Variants in GRK6 observed in about 807,000 individuals in gnomAD.
The protein encoded by GRK6 is G protein-coupled receptor kinase 6.
A neutral mutation model predicts 80.8 loss-of-function variants in GRK6; 37 were observed. That is an observed-to-expected ratio of 0.46 (90% CI 0.35 to 0.60). The LOEUF (loss-of-function observed/expected upper bound fraction) is 0.60. Among genes scored for constraint, GRK6 ranks in the 20% least tolerant of loss-of-function variants. The pLI is 0.00. For missense variants in GRK6, 560 were observed against 784.6 expected (o/e 0.71, Z 3.42); for synonymous variants, 295 against 320.9 (o/e 0.92, Z 0.86).
In GRK6 at chr5:177,429,892, C is replaced by T. The variant is rs1429333249; in HGVS notation, c.53-980C>T. On this transcript the variant is annotated intron_variant, in intron 1 of 15. Transcript: ENST00000355472. The surrounding 1 kb of genome is among the most constrained non-coding windows in gnomAD (Gnocchi z 4.3). ...GGTTCACAGATAGCGAGTGATGGGC[C>T]ACAGTGTGAATCAGAGATTCAGACC... 6.6e-6 allele frequency among the ~76,000 whole-genome samples: 1 copy of T among 152,192 alleles called. No homozygotes were observed. The highest frequency in any genetic ancestry group is 2.4e-5 in the African/African-American group (1 of 41,440).
rs1763687450 is a variant in GRK6 at position 177,426,724 on chromosome 5, G to A, written c.-122G>A. On this transcript the variant is annotated 5_prime_UTR_variant, in exon 1 of 16. Transcript: ENST00000355472. ...CGGCCGGGGAGGCCGGGGAGGCCGC[G>A]GCGCGGTCACTGCGAGCCGAGCCGA... 1.2e-5 allele frequency: 5 copies of A among 412,542 alleles called. No individual in the cohort carries two copies. Among genetic ancestry groups the A allele is most frequent in the Non-Finnish European group, 1.6e-5 (5 of 308,432 alleles). 25.6% of individuals were successfully genotyped at this position (412,542 alleles called of 1,614,324 possible).
At chr5:177,441,381 T>A in intron 15 of GRK6, 1 of 1,116,390 alleles carries the variant, frequency 9.0e-7, no homozygotes, top group Admixed American at 2.1e-5. Context: ...CCCACTGCTT[T>A]GATCCCCTGC....
intron 1 of GRK6, among the ~76,000 whole-genome samples, chr5:177,427,152 G>A (rs921828841): frequency 6.6e-6 from 1 of 152,176 alleles, no homozygotes; most frequent in Non-Finnish European, 1.5e-5. Flanking sequence ...GAAAGAAGGT[G>A]AGACGAAGAG....
At position 177,436,667 on chromosome 5, in the gene GRK6, TAATTCACAA is replaced by T. The variant is rs1169401437; in HGVS notation, c.1404+140_1404+148del. On this transcript the variant is annotated intron_variant, in intron 13 of 15. Coordinates refer to ENST00000355472, the MANE Select transcript of GRK6 (RefSeq NM_001004106.3). The stretch of plus-strand genomic sequence containing the variant: ...AGTGGCTTAGCCACAGAAATAAAGA[TAATTCACAA>T]AAAGGAAAAGCCCCAGGATGGGTCT... 2.4e-5 allele frequency: 21 copies of T among 879,812 alleles called. No homozygotes were observed. The East Asian group carries it at 3.0e-4, about 12-fold the overall frequency. The allele number at this position is 879,812 out of a possible 1,614,324, so 54.5% of individuals were successfully genotyped here. A position where few individuals can be genotyped will look rare whatever the true frequency, so the allele number is the denominator to read the frequency against.
rs766573669 is a variant in GRK6, at chr5:177,442,002, C to T, written c.*212C>T. The T allele has an allele frequency of 2.2e-5, 13 of 587,264 alleles. No homozygotes were observed. Among genetic ancestry groups the T allele is most frequent in the Non-Finnish European group, 4.0e-5 (13 of 328,668 alleles). 36.4% of individuals were successfully genotyped at this position (587,264 alleles called of 1,614,324 possible). ...TCCCTGGGACAAAGGTGCGTCCCTTCAGCTCTTCTCCGTGGAGCTCGGGGC... is the reference window on the plus strand; with the variant it reads ...TCCCTGGGACAAAGGTGCGTCCCTTTAGCTCTTCTCCGTGGAGCTCGGGGC... On this transcript the variant is annotated 3_prime_UTR_variant, in exon 16 of 16. Transcript: ENST00000355472.
At chr5:177,441,654 G>T (rs1581693922) in intron 15 of GRK6, 83 bp from the exon 16 acceptor site, 1 of 1,170,552 alleles carries the variant, frequency 8.5e-7, no homozygotes, top group East Asian at 2.3e-5. Context: ...CCCTGGCAGG[G>T]TCGGCCCCAT....
chr5:177,425,890 C>A (rs912579124), upstream of GRK6, among the ~76,000 whole-genome samples: 2 of 152,244 alleles, frequency 1.3e-5, no homozygotes, highest in Non-Finnish European at 2.9e-5. Context: ...ACTTGACGTC[C>A]GGCGCCTCAG....
Position 177,440,840 on chromosome 5 carries a change from G to C in GRK6, c.1542+3G>C. 2 of 1,613,950 alleles carry C rather than the reference G, an allele frequency of 1.2e-6. No homozygotes were observed. The highest frequency in any genetic ancestry group is 2.2e-5 in the South Asian group (2 of 91,078). On this transcript the variant is annotated splice_donor_region_variant and intron_variant, in intron 14 of 15. Transcript: ENST00000355472. The stretch of plus-strand genomic sequence containing the variant: ...TGCCCATCCCCTGGCAGAACGAGGT[G>C]GGGGCCTGCCCTGCTGGTGGGGTGG...
intron 13 of GRK6, 48 bp from the exon 14 acceptor site, chr5:177,440,652 G>T: frequency 6.2e-7 from 1 of 1,604,272 alleles, no homozygotes; most frequent in East Asian, 2.2e-5. Context: ...CTGCCTTCGC[G>T]TGTGCGTGTG....
At chr5:177,426,939 C>T in intron 1 of GRK6, 42 bp downstream of exon 1, 2 of 1,269,716 alleles carry the variant, frequency 1.6e-6, no homozygotes, top group South Asian at 2.2e-5. Context: ...GTGCGTGGAG[C>T]GCGAGTGCGC....
At chr5:177,430,214 C>T (rs1763828295) in intron 1 of GRK6, among the ~76,000 whole-genome samples, 1 of 152,234 alleles carries the variant, frequency 6.6e-6, no homozygotes, top group Non-Finnish European at 1.5e-5. Flanking sequence ...GGTCATCTCA[C>T]ATCTGGCCCA....
At chr5:177,441,129 C>T in intron 15 of GRK6, 76 bp downstream of exon 15, 1 of 1,570,688 alleles carries the variant, frequency 6.4e-7, no homozygotes, top group Non-Finnish European at 8.7e-7. Context: ...GAGCCGGTGC[C>T]CGCATGCGCT....
chr5:177,441,600 G>A, intron 15 of GRK6, 137 bp from the exon 16 acceptor site: 1 of 783,672 alleles, frequency 1.3e-6, no homozygotes, highest in Non-Finnish European at 2.3e-6. Flanking sequence ...TCCTTGTGGA[G>A]AGGCCCCTCC....
At chr5:177,430,658 T>A in intron 1 of GRK6, 1 of 587,186 alleles carries the variant, frequency 1.7e-6, no homozygotes, top group Non-Finnish European at 3.1e-6. Context: ...ACTGCCTCTC[T>A]TGGCTCTCCC....
Position 177,433,657 on chromosome 5 carries a change from A to T in GRK6, c.719A>T (p.Lys240Ile). The change falls in exon 8 of 16, where the codon AAA becomes ATA. Residue 240 changes from lysine to isoleucine, a missense_variant. Lys to Ile is a moderately radical substitution (Grantham distance 102). Around this residue, in one of 3 missense-constraint regions of GRK6, gnomAD observed 77 missense variants for 156.9 expected, o/e 0.49. Coordinates refer to ENST00000355472, the MANE Select transcript of GRK6 (RefSeq NM_001004106.3). ...CTGAACGAGAAGCAGATCCTGGAGA[A>T]AGTGAACAGTAGGTTTGTAGTAAGT... Reference protein sequence around the residue: ...MALNEKQILEKVNSRFVVSLA... With the variant: ...MALNEKQILEIVNSRFVVSLA... 6.2e-7 allele frequency: 1 copy of T among 1,614,078 alleles called. No homozygotes were observed. The highest frequency in any genetic ancestry group is 8.5e-7 in the Non-Finnish European group (1 of 1,180,016).
chr5:177,435,580 G>A (rs570946717), intron 11 of GRK6, among the ~76,000 whole-genome samples: 3 of 152,304 alleles, frequency 2.0e-5, no homozygotes, highest in East Asian at 1.9e-4. Flanking sequence ...CGCTGCTCCC[G>A]GCCTCACTCT....
intron 13 of GRK6, among the ~76,000 whole-genome samples, chr5:177,436,888 C>T (rs767201190): frequency 1.4e-4 from 22 of 151,928 alleles, no homozygotes; most frequent in Non-Finnish European, 4.4e-5. Context: ...TCTCTTTTCT[C>T]TTCTCCTCTC....
chr5:177,436,425 G>C lies in GRK6; in HGVS notation c.1299G>C (p.Gly433=). The C allele has an allele frequency of 6.2e-7, 1 of 1,613,408 alleles. No individual in the cohort carries two copies. Among genetic ancestry groups the C allele is most frequent in the Non-Finnish European group, 8.5e-7 (1 of 1,179,880 alleles). The stretch of plus-strand genomic sequence containing the variant: ...GCAAGGACCCTGCCGAACGCCTGGG[G>C]TGTCGTGGGGGCAGTGCCCGCGAGG... ...LLCKDPAERL[G]CRGGSAREVK... The change falls in exon 13 of 16, where the codon GGG becomes GGC. Residue 433 remains glycine, a synonymous_variant. Transcript: ENST00000355472.
rs916336537 is a variant in GRK6, at chr5:177,432,635, C to G, written c.340-71C>G. 5 of 1,103,408 alleles carry G rather than the reference C, an allele frequency of 4.5e-6. No homozygotes were observed. The African/African-American group carries it at 4.7e-5, about 10-fold the overall frequency. The allele number at this position is 1,103,408 out of a possible 1,614,324, so 68.4% of individuals were successfully genotyped here. ...CATGGCACCAGCCCGAGTTGCCTGA[C>G]CCCTCTCCCCTGGAAGTGGGCAGCC... On this transcript the variant is annotated intron_variant, in intron 4 of 15. Coordinates refer to ENST00000355472, the MANE Select transcript of GRK6 (RefSeq NM_001004106.3).
Sources: allele counts gnomAD v4.1 joint callset (sites outside exome capture counted in the v4.1 genomes callset), GRCh38; gene constraint gnomAD v4.1.1; regional missense constraint gnomAD v4.1.1; non-coding constraint Gnocchi (gnomAD v3.1); transcripts MANE v1.5; gene names NCBI Gene and HGNC (gene_info 2026-07-23, HGNC 2026-07-21).